GRIN2B: variants seen among roughly 807,000 people sequenced by gnomAD.
The protein encoded by GRIN2B is glutamate ionotropic receptor NMDA type subunit 2B.
Under a neutral mutation model 114.5 loss-of-function variants are expected in GRIN2B, and 5 were observed. The ratio of observed to expected loss-of-function variants is 0.04; its 90% CI spans 0.02 to 0.09. The LOEUF (loss-of-function observed/expected upper bound fraction) is 0.09. Ranked by LOEUF, GRIN2B falls within the 10% of genes least tolerant of loss-of-function variation. GRIN2B has a pLI of 1.00. For synonymous variants in GRIN2B, 787 were observed against 745.1 expected (o/e 1.06, Z -0.92); for missense variants, 1,108 against 1,943.5 (o/e 0.57, Z 8.08).
chr12:13,956,743 T>G (rs1867599655), intron 2 of GRIN2B, among the ~76,000 whole-genome samples: 1 of 152,152 alleles, frequency 6.6e-6, no homozygotes, highest in Admixed American at 6.5e-5. Context: ...TTCACGGCAA[T>G]GAAGCGCACG....
chr12:13,597,383 A>G (rs923074539), intron 10 of GRIN2B, among the ~76,000 whole-genome samples: 3 of 152,168 alleles, frequency 2.0e-5, no homozygotes, highest in Non-Finnish European at 4.4e-5. Flanking sequence ...GAAAAACCCC[A>G]TCTCCCATTC....
At chr12:13,748,306 G>A (rs890504084) in intron 4 of GRIN2B, among the ~76,000 whole-genome samples, 20 of 152,300 alleles carry the variant, frequency 1.3e-4, no homozygotes, top group East Asian at 3.9e-4. Flanking sequence ...GAGAAGCAGC[G>A]GGCTCTCAGG....
intron 5 of GRIN2B, among the ~76,000 whole-genome samples, chr12:13,623,231 C>T (rs1466442008): frequency 1.3e-5 from 2 of 152,200 alleles, no homozygotes; most frequent in African/African-American, 4.8e-5. Flanking sequence ...TTTACTCAAG[C>T]ATAGCCCTAT....
intron 2 of GRIN2B, chr12:13,977,325 G>C (rs1257190594): frequency 1.3e-5 from 2 of 152,064 alleles, no homozygotes; most frequent in African/African-American, 2.4e-5. Context: ...GGTACTCCCG[G>C]CTCCTCTCCT....
At chr12:13,773,959 T>C (rs958516136) in intron 3 of GRIN2B, among the ~76,000 whole-genome samples, 1 of 152,150 alleles carries the variant, frequency 6.6e-6, no homozygotes, top group Non-Finnish European at 1.5e-5. Flanking sequence ...ATCGCAAGCC[T>C]AAGACAAACC....
intron 10 of GRIN2B, among the ~76,000 whole-genome samples, chr12:13,599,297 C>T (rs753128004): frequency 4.6e-5 from 7 of 152,184 alleles, no homozygotes; most frequent in African/African-American, 1.2e-4. Context: ...CCAGCTAGGC[C>T]GAAAGGTTCC....
At chr12:13,765,011 A>C (rs1282457768) in intron 3 of GRIN2B, among the ~76,000 whole-genome samples, 1 of 152,232 alleles carries the variant, frequency 6.6e-6, no homozygotes, top group East Asian at 1.9e-4. Context: ...TATCTTTAGA[A>C]CTGGCAGTAA....
At chr12:13,793,982 G>A (rs901694190) in intron 3 of GRIN2B, among the ~76,000 whole-genome samples, 13 of 138,450 alleles carry the variant, frequency 9.4e-5, no homozygotes, top group African/African-American at 2.2e-4. Flanking sequence ...CAGGCAGATT[G>A]CTTAAGCTCA....
chr12:13,562,377 T>C lies in GRIN2B; in HGVS notation c.*406A>G, dbSNP rs1948556281. The C allele has an allele frequency of 9.6e-6, 2 of 207,294 alleles. No homozygotes were observed. Among genetic ancestry groups the C allele is most frequent in the Non-Finnish European group, 2.0e-5 (2 of 102,288 alleles). The allele number at this position is 207,294 out of a possible 1,614,324, so 12.8% of individuals were successfully genotyped here. A position where few individuals can be genotyped will look rare whatever the true frequency, so the allele number is the denominator to read the frequency against. ...TCCTCACCTAAATGAAAAGATCAGT[T>C]TGGGAAAAGCTACCTTTGTGCTCAC... On this transcript the variant is annotated 3_prime_UTR_variant, in exon 14 of 14. Coordinates refer to ENST00000609686, the MANE Select transcript of GRIN2B (RefSeq NM_000834.5).
rs200193169 is a variant in GRIN2B at position 13,562,343 on chromosome 12, G to A, written c.*440C>T. On this transcript the variant is annotated 3_prime_UTR_variant, in exon 14 of 14. Coordinates refer to ENST00000609686, the MANE Select transcript of GRIN2B (RefSeq NM_000834.5). ...GTGTGCTAAATGGTCTCACATAGAT[G>A]CTTTTGCTTCCTCACCTAAATGAAA... The A allele has an allele frequency of 5.1e-6, 1 of 195,326 alleles. No homozygotes were observed. Among genetic ancestry groups the A allele is most frequent in the Non-Finnish European group, 1.1e-5 (1 of 94,366 alleles). The allele number at this position is 195,326 out of a possible 1,614,324, so 12.1% of individuals were successfully genotyped here. A position where few individuals can be genotyped will look rare whatever the true frequency, so the allele number is the denominator to read the frequency against.
intron 4 of GRIN2B, among the ~76,000 whole-genome samples, chr12:13,743,869 T>C (rs937537281): frequency 6.6e-6 from 1 of 152,200 alleles, no homozygotes; most frequent in African/African-American, 2.4e-5. Context: ...TAACACTAAA[T>C]GTATTTTGAC....
At chr12:13,608,980 A>G (rs1381437329) in intron 9 of GRIN2B, 148 bp from the exon 10 acceptor site, 7 of 689,114 alleles carry the variant, frequency 1.0e-5, no homozygotes, top group Non-Finnish European at 1.8e-5. Flanking sequence ...TAAATTTGAG[A>G]GTGTGTATCT....
At chr12:13,622,390 G>C (rs1949526420) in intron 5 of GRIN2B, among the ~76,000 whole-genome samples, 1 of 152,064 alleles carries the variant, frequency 6.6e-6, no homozygotes, top group Non-Finnish European at 1.5e-5. Context: ...TGCAGCCCCG[G>C]GGCAGGCCTC....
intron 3 of GRIN2B, among the ~76,000 whole-genome samples, chr12:13,773,810 TA>T (rs1196963362): frequency 1.3e-5 from 2 of 152,132 alleles, no homozygotes; most frequent in Non-Finnish European, 2.9e-5. Flanking sequence ...CAGCTTTACA[TA>T]AGAGACTAGA....
At chr12:13,653,490 A>C (rs921842908) in intron 5 of GRIN2B, among the ~76,000 whole-genome samples, 3 of 152,070 alleles carry the variant, frequency 2.0e-5, no homozygotes, top group Non-Finnish European at 4.4e-5. Flanking sequence ...CCTGGAGTAC[A>C]TCAATAAATA....
At chr12:13,832,564 T>C (rs566531192) in intron 3 of GRIN2B, among the ~76,000 whole-genome samples, 10 of 152,348 alleles carry the variant, frequency 6.6e-5, no homozygotes, top group African/African-American at 2.4e-4. Context: ...CAATAAATAT[T>C]TGTTGATTAT....
intron 2 of GRIN2B, among the ~76,000 whole-genome samples, chr12:13,876,237 C>T (rs1453411234): frequency 6.6e-6 from 1 of 152,186 alleles, no homozygotes; most frequent in Non-Finnish European, 1.5e-5. Flanking sequence ...ACTTAAATTA[C>T]CTAGACCTCA....
At chr12:13,824,978 T>C (rs560019984) in intron 3 of GRIN2B, among the ~76,000 whole-genome samples, 1 of 152,120 alleles carries the variant, frequency 6.6e-6, no homozygotes, top group Non-Finnish European at 1.5e-5. Flanking sequence ...CTGTTTATCT[T>C]ACTCTTCTTT....
At chr12:13,739,858 G>T (rs1460837364) in intron 4 of GRIN2B, among the ~76,000 whole-genome samples, 1 of 152,156 alleles carries the variant, frequency 6.6e-6, no homozygotes, top group African/African-American at 2.4e-5. Context: ...AAAGGGAAAA[G>T]GAACGCTGCT....
Sources: allele counts gnomAD v4.1 joint callset (sites outside exome capture counted in the v4.1 genomes callset), GRCh38; gene constraint gnomAD v4.1.1; transcripts MANE v1.5; gene names NCBI Gene and HGNC (gene_info 2026-07-23, HGNC 2026-07-21).